Variants in FOXN3 observed in about 807,000 individuals in gnomAD.
FOXN3 encodes the protein forkhead box N3, also known as forkhead box protein N3.
A neutral mutation model predicts 38.4 loss-of-function variants in FOXN3; 7 were observed. That is an observed-to-expected ratio of 0.18 (90% CI 0.10 to 0.34). The LOEUF (loss-of-function observed/expected upper bound fraction) is 0.34. Ranked by LOEUF, FOXN3 falls within the 10% of genes least tolerant of loss-of-function variation. The pLI is 1.00. For missense variants in FOXN3, 456 were observed against 613.4 expected (o/e 0.74, Z 2.71); for synonymous variants, 230 against 242.2 (o/e 0.95, Z 0.47).
intron 4 of FOXN3, among the ~76,000 whole-genome samples, chr14:89,244,053 AC>A (rs1329143852): frequency 1.3e-5 from 2 of 152,050 alleles, no homozygotes; most frequent in Non-Finnish European, 2.9e-5. Context: ...AGACAAACCA[AC>A]CCCCAAACCC....
At chr14:89,186,287 C>A in intron 4 of FOXN3, among the ~76,000 whole-genome samples, 1 of 152,060 alleles carries the variant, frequency 6.6e-6, no homozygotes, top group Non-Finnish European at 1.5e-5. Flanking sequence ...GGGGGAGGAA[C>A]GCCTTCCCCC....
At chr14:89,539,584 C>A (rs1894756970) in intron 1 of FOXN3, among the ~76,000 whole-genome samples, 1 of 152,234 alleles carries the variant, frequency 6.6e-6, no homozygotes, top group African/African-American at 2.4e-5. Flanking sequence ...TCACCACTTA[C>A]ATTGTGTGAC....
At chr14:89,429,282 C>G (rs957524070) in intron 1 of FOXN3, among the ~76,000 whole-genome samples, 1 of 152,210 alleles carries the variant, frequency 6.6e-6, no homozygotes, top group Non-Finnish European at 1.5e-5. Context: ...CACTGATACT[C>G]AGAATTGAAA....
At chr14:89,383,291 C>T (rs1250860075) in intron 2 of FOXN3, among the ~76,000 whole-genome samples, 1 of 152,098 alleles carries the variant, frequency 6.6e-6, no homozygotes, top group Non-Finnish European at 1.5e-5. Context: ...AAAAAGACAT[C>T]TTCCAATGCA....
intron 1 of FOXN3, among the ~76,000 whole-genome samples, chr14:89,468,055 T>C (rs1341415283): frequency 1.3e-5 from 2 of 151,770 alleles, no homozygotes; most frequent in African/African-American, 4.8e-5. Context: ...CATATATACA[T>C]GCATCTACAT....
intron 4 of FOXN3, among the ~76,000 whole-genome samples, chr14:89,260,045 G>C (rs1312138011): frequency 2.6e-5 from 4 of 152,214 alleles, no homozygotes; most frequent in African/African-American, 9.7e-5. Flanking sequence ...GCAGATAGTG[G>C]AAGTCTGCAG....
intron 2 of FOXN3, among the ~76,000 whole-genome samples, chr14:89,352,130 C>T (rs1485929746): frequency 6.6e-6 from 1 of 152,228 alleles, no homozygotes. Context: ...CCCACCCCCA[C>T]GTGCAGGCCT....
rs201016882 is a variant in FOXN3 at position 89,555,838 on chromosome 14, GGTGTGTGT to G, written c.-15+63182_-15+63189del. Among the ~76,000 whole-genome samples the G allele has an allele frequency of 1.4e-3, 126 of 89,698 alleles. 2 individuals are homozygous for G. Among genetic ancestry groups the G allele is most frequent in the African/African-American group, 2.0e-3 (65 of 33,242 alleles). 58.8% of individuals were successfully genotyped at this position (89,698 alleles called of 152,430 possible). ...TCATAAAGCTTACCTTCTAGTTCAT[GGTGTGTGT>G]GTGTGTGTGTGTGTGTGTGTGTGTG... On this transcript the variant is annotated intron_variant, in intron 1 of 6. Coordinates refer to the FOXN3 transcript ENST00000345097.
intron 1 of FOXN3, among the ~76,000 whole-genome samples, chr14:89,564,144 C>T (rs1450020405): frequency 6.6e-6 from 1 of 151,910 alleles, no homozygotes; most frequent in Non-Finnish European, 1.5e-5. Flanking sequence ...CATGAGCCAC[C>T]GTGCCTGGCC....
At chr14:89,518,283 A>T (rs889450076) in intron 1 of FOXN3, among the ~76,000 whole-genome samples, 1 of 152,068 alleles carries the variant, frequency 6.6e-6, no homozygotes, top group East Asian at 1.9e-4. Context: ...GCCCAGTAAA[A>T]CTTCTATGTG....
chr14:89,521,842 C>T (rs1014457286), intron 1 of FOXN3, among the ~76,000 whole-genome samples: 2 of 151,876 alleles, frequency 1.3e-5, no homozygotes, highest in Non-Finnish European at 2.9e-5. Context: ...CTGAACAACA[C>T]ATCAAGACCC....
chr14:89,251,974 C>T (rs1172294522), intron 4 of FOXN3, among the ~76,000 whole-genome samples: 2 of 152,222 alleles, frequency 1.3e-5, no homozygotes, highest in Non-Finnish European at 2.9e-5. Context: ...GCTACAACTG[C>T]AGACAGTAGG....
At chr14:89,271,633 TTGAA>T (rs1259437223) in intron 4 of FOXN3, among the ~76,000 whole-genome samples, 3 of 152,210 alleles carry the variant, frequency 2.0e-5, no homozygotes, top group Non-Finnish European at 4.4e-5. Flanking sequence ...GTGTTAATCT[TTGAA>T]TGACTAATTT....
intron 1 of FOXN3, among the ~76,000 whole-genome samples, chr14:89,546,329 C>CTTTTTTTTTTTTTTTTTTTTTTTTTTT (rs1157998619): frequency 3.8e-5 from 3 of 78,314 alleles, no homozygotes; most frequent in Admixed American, 1.9e-4. Flanking sequence ...TTTCCTTTTT[C>CTTTTTTTTTTTTTTTTTTTTTTTTTTT]TTTTTTTTTT....
chr14:89,496,354 T>C (rs1379466828), intron 1 of FOXN3, among the ~76,000 whole-genome samples: 1 of 127,164 alleles, frequency 7.9e-6, no homozygotes, highest in Non-Finnish European at 1.7e-5. Context: ...CACCCATTTC[T>C]TCTCCCAAGG....
At chr14:89,354,543 T>TA (rs760406905) in intron 2 of FOXN3, among the ~76,000 whole-genome samples, 2,734 of 121,584 alleles carry the variant, frequency 0.022, 45 homozygotes, top group African/African-American at 0.038. Flanking sequence ...TGCTTTTTAT[T>TA]AAAAAAAAAA....
chr14:89,414,980 C>G (rs1435775517), intron 1 of FOXN3, among the ~76,000 whole-genome samples: 1 of 152,178 alleles, frequency 6.6e-6, no homozygotes, highest in Non-Finnish European at 1.5e-5. Flanking sequence ...GTTACCCTGA[C>G]ACATTTCAGA....
intron 1 of FOXN3, among the ~76,000 whole-genome samples, chr14:89,603,582 A>C (rs1037953800): frequency 2.0e-5 from 3 of 152,234 alleles, no homozygotes; most frequent in Admixed American, 2.0e-4. Context: ...AAGAAGGAAC[A>C]CAAAGAGAAA....
At chr14:89,342,023 G>A (rs143626258) in intron 3 of FOXN3, among the ~76,000 whole-genome samples, 168 of 152,302 alleles carry the variant, frequency 1.1e-3, no homozygotes, top group African/African-American at 3.8e-3. Context: ...TGGAAACACA[G>A]AGTTTCTTTG....
Sources: gnomAD v4.1 joint callset for allele counts (sites outside exome capture counted in the v4.1 genomes callset) on GRCh38, gnomAD v4.1.1 for gene constraint, MANE v1.5 for transcripts, NCBI Gene and HGNC (gene_info 2026-07-23, HGNC 2026-07-21) for gene names.